Variants in DYRK1A observed in about 807,000 individuals in gnomAD.
DYRK1A encodes dual specificity tyrosine phosphorylation regulated kinase 1A.
DYRK1A carries 9 observed loss-of-function variants against 79.7 expected under a neutral mutation model. That is an observed-to-expected ratio of 0.11 (90% CI 0.07 to 0.20). The LOEUF (loss-of-function observed/expected upper bound fraction) is 0.20, where lower values mean the gene tolerates loss of function less well. Ranked by LOEUF, DYRK1A falls within the 10% of genes least tolerant of loss-of-function variation. The pLI, the probability that DYRK1A is intolerant of heterozygous loss-of-function variation, is 1.00. For missense variants in DYRK1A, 622 were observed against 956.0 expected, an observed-to-expected ratio of 0.65 and a Z score of 4.61; for synonymous variants, 349 against 329.7, an observed-to-expected ratio of 1.06 and a Z score of -0.63.
intron 2 of DYRK1A, among the ~76,000 whole-genome samples, chr21:37,441,957 T>G (rs2051117340): frequency 8.3e-6 from 1 of 120,086 alleles, no homozygotes; most frequent in Non-Finnish European, 1.9e-5. Flanking sequence ...TGCCTTTATT[T>G]TGCTGTTTTT....
Position 37,367,269 on chromosome 21 carries a change from A to G in DYRK1A, c.-436A>G, listed in dbSNP as rs952038578. The G allele has an allele frequency of 1.3e-5, 2 of 150,522 alleles. No homozygotes were observed. Among genetic ancestry groups the G allele is most frequent in the Non-Finnish European group, 3.0e-5 (2 of 67,530 alleles). 9.3% of individuals were successfully genotyped at this position (150,522 alleles called of 1,614,324 possible). A position where few individuals can be genotyped will look rare whatever the true frequency, so the allele number is the denominator to read the frequency against. On this transcript the variant is annotated 5_prime_UTR_variant, in exon 1 of 12. Coordinates refer to ENST00000647188, the MANE Select transcript of DYRK1A (RefSeq NM_001347721.2). ...TTCGGAGCGCGCGCCATTTTGTGAG[A>G]TTTACAAAATCCTCCTCGGGAAGAA...
intron 1 of DYRK1A, among the ~76,000 whole-genome samples, chr21:37,394,883 A>G (rs550080597): frequency 1.1e-4 from 16 of 152,338 alleles, no homozygotes; most frequent in Admixed American, 3.3e-4. Flanking sequence ...CTGAATATGT[A>G]CTTCGTGAAA....
chr21:37,476,756 AATCAG>A lies in DYRK1A; in HGVS notation c.208-1447_208-1443del, dbSNP rs1448335582. ...GTAAGACTGTCTATTTGAAAAATTA[AATCAG>A]ATCATCTTCTTAATTCTGATGATTT... is the stretch of plus-strand genomic sequence containing the variant. On this transcript the variant is annotated intron_variant, in intron 3 of 11. Coordinates refer to ENST00000647188, the MANE Select transcript of DYRK1A (RefSeq NM_001347721.2). Among the ~76,000 whole-genome samples the A allele has an allele frequency of 4.6e-5, 4 of 86,674 alleles. No homozygotes were observed. In the East Asian group the frequency reaches 2.2e-3, roughly 47 times the overall value. 56.9% of individuals were successfully genotyped at this position (86,674 alleles called of 152,430 possible).
chr21:37,468,718 A>G (rs1290843874), intron 2 of DYRK1A, among the ~76,000 whole-genome samples: 2 of 151,724 alleles, frequency 1.3e-5, no homozygotes, highest in Non-Finnish European at 2.9e-5. Context: ...ATGCAAATGG[A>G]TTTTGCATTT....
intron 3 of DYRK1A, among the ~76,000 whole-genome samples, chr21:37,477,157 C>G (rs1198719545): frequency 6.6e-6 from 1 of 152,004 alleles, no homozygotes; most frequent in Non-Finnish European, 1.5e-5. Context: ...TTTGCGAGGT[C>G]TTAGTATGAT....
chr21:37,423,928 T>G (rs575867557), intron 2 of DYRK1A, among the ~76,000 whole-genome samples: 1 of 152,326 alleles, frequency 6.6e-6, no homozygotes, highest in East Asian at 1.9e-4. Flanking sequence ...GTTTTAATTT[T>G]GGATTCTCTT....
At chr21:37,374,523 T>C (rs1303522234) in intron 1 of DYRK1A, among the ~76,000 whole-genome samples, 1 of 151,936 alleles carries the variant, frequency 6.6e-6, no homozygotes, top group African/African-American at 2.4e-5. Flanking sequence ...GATGCCTCTC[T>C]TTCTGTAGGT....
chr21:37,479,299 G>A (rs2052513357), intron 4 of DYRK1A, among the ~76,000 whole-genome samples: 1 of 152,110 alleles, frequency 6.6e-6, no homozygotes, highest in Admixed American at 6.5e-5. Flanking sequence ...TTCCAGACTA[G>A]CTTGTGATTA....
Position 37,493,008 on chromosome 21 carries a change from A to T in DYRK1A, c.925-9A>T, listed in dbSNP as rs375904128. The T allele has an allele frequency of 2.5e-6, 4 of 1,581,164 alleles. No homozygotes were observed. The highest frequency in any genetic ancestry group is 3.5e-6 in the Non-Finnish European group (4 of 1,154,582). On this transcript the variant is annotated splice_polypyrimidine_tract_variant and intron_variant, in intron 7 of 11. Coordinates refer to ENST00000647188, the MANE Select transcript of DYRK1A (RefSeq NM_001347721.2). ...AATTGAAGTAATACTATTTTGAAAT[A>T]TATTTCAGATATACCAGTATATTCA...
intron 1 of DYRK1A, among the ~76,000 whole-genome samples, chr21:37,416,358 A>G (rs2050340809): frequency 2.5e-5 from 2 of 80,440 alleles, no homozygotes; most frequent in African/African-American, 1.0e-4. Flanking sequence ...ACTGTTTTCT[A>G]GGGTTTTGAG....
At chr21:37,437,807 ATGAAT>A (rs2050970474) in intron 2 of DYRK1A, among the ~76,000 whole-genome samples, 1 of 152,206 alleles carries the variant, frequency 6.6e-6, no homozygotes. Flanking sequence ...TAAAGATGCT[ATGAAT>A]ATTGTTGTAC....
chr21:37,467,119 A>C (rs2052054447), intron 2 of DYRK1A, among the ~76,000 whole-genome samples: 1 of 135,092 alleles, frequency 7.4e-6, no homozygotes, highest in African/African-American at 3.9e-5. Flanking sequence ...AAAAAAAAAA[A>C]AACAAAACAA....
At chr21:37,474,076 T>C (rs926065812) in intron 3 of DYRK1A, among the ~76,000 whole-genome samples, 1 of 152,206 alleles carries the variant, frequency 6.6e-6, no homozygotes, top group South Asian at 2.1e-4. Flanking sequence ...GTTTCACAGC[T>C]GAAAGGACTG....
chr21:37,409,763 C>T (rs1229699514), intron 1 of DYRK1A, among the ~76,000 whole-genome samples: 2 of 152,042 alleles, frequency 1.3e-5, no homozygotes, highest in African/African-American at 2.4e-5. Context: ...CGAGTGTTTT[C>T]TATGTATTTA....
intron 2 of DYRK1A, among the ~76,000 whole-genome samples, chr21:37,458,268 C>CTGTGTGTGTGTG (rs3138683): frequency 0.088 from 11,467 of 130,266 alleles, 606 homozygotes; most frequent in Non-Finnish European, 0.11. Context: ...GGGTAATTTA[C>CTGTGTGTGTGTG]TGTGTGTGTG....
At chr21:37,403,663 A>ATATATG (rs1205913356) in intron 1 of DYRK1A, among the ~76,000 whole-genome samples, 1 of 121,518 alleles carries the variant, frequency 8.2e-6, no homozygotes, top group Non-Finnish European at 1.7e-5. Flanking sequence ...ATATATATAT[A>ATATATG]TGTGTGTGTG....
At chr21:37,442,489 CTTT>C (rs945874951) in intron 2 of DYRK1A, among the ~76,000 whole-genome samples, 43 of 152,204 alleles carry the variant, frequency 2.8e-4, no homozygotes, top group Non-Finnish European at 1.9e-4. Context: ...GTCACTAGTC[CTTT>C]TTTCTGTACT....
chr21:37,446,135 G>A (rs142079741), intron 2 of DYRK1A, among the ~76,000 whole-genome samples: 18 of 152,268 alleles, frequency 1.2e-4, no homozygotes, highest in East Asian at 3.9e-4. Context: ...CCTTGTTAGT[G>A]ACCCACACCT....
chr21:37,366,398 C>T (rs1602334122), upstream of DYRK1A, among the ~76,000 whole-genome samples: 3 of 145,182 alleles, frequency 2.1e-5, no homozygotes, highest in Non-Finnish European at 4.6e-5. Context: ...GGGCCGCAGT[C>T]GGCGCGGGCG....
Sources: gnomAD v4.1 joint callset for allele counts (sites outside exome capture counted in the v4.1 genomes callset) on GRCh38, gnomAD v4.1.1 for gene constraint, MANE v1.5 for transcripts, NCBI Gene and HGNC (gene_info 2026-07-23, HGNC 2026-07-21) for gene names.